The following RNF114 variants were observed in gnomAD, a reference collection of about 807,000 sequenced individuals.
The protein encoded by RNF114 is E3 ubiquitin-protein ligase RNF114.
In RNF114, 6 loss-of-function variants were observed where a neutral mutation model predicts 28.4. The ratio of observed to expected loss-of-function variants is 0.21; its 90% CI spans 0.12 to 0.42. The LOEUF is 0.42. RNF114 is among the 10% of genes least tolerant of loss of function. RNF114 has a pLI of 1.00. For synonymous variants in RNF114, 115 were observed against 116.7 expected, an observed-to-expected ratio of 0.99 and a Z score of 0.09; for missense variants, 249 against 311.7, an observed-to-expected ratio of 0.80 and a Z score of 1.51.
intron 5 of RNF114, among the ~76,000 whole-genome samples, chr20:49,949,705 C>T (rs1600872533): frequency 6.6e-6 from 1 of 152,030 alleles, no homozygotes; most frequent in Non-Finnish European, 1.5e-5. Flanking sequence ...AATGCAGTGG[C>T]GTGATCTCAG....
At chr20:49,946,059 G>A in intron 3 of RNF114, 77 bp from the exon 4 acceptor site, 1 of 677,472 alleles carries the variant, frequency 1.5e-6, no homozygotes, top group South Asian at 1.9e-5. Flanking sequence ...GCTCCTTTTT[G>A]GAGTGTACTG....
At position 49,947,233 on chromosome 20, in the gene RNF114, C is replaced by A. The variant is rs1470907316; in HGVS notation, c.513+983C>A. 2.2e-4 allele frequency among the ~76,000 whole-genome samples: 4 copies of A among 18,436 alleles called. 1 individual carries two copies. Among genetic ancestry groups the A allele is most frequent in the Admixed American group, 1.1e-3 (2 of 1,796 alleles). 12.1% of individuals were successfully genotyped at this position (18,436 alleles called of 152,430 possible). A position where few individuals can be genotyped will look rare whatever the true frequency, so the allele number is the denominator to read the frequency against. On this transcript the variant is annotated intron_variant, in intron 4 of 5. Transcript: ENST00000244061. ...AAACTGCCCCCCCCCCCCCCCCCCC[C>A]CCCAAAAAAGTATTTGTTCCATCTT...
chr20:49,941,392 T>G (rs1200105419), intron 1 of RNF114, among the ~76,000 whole-genome samples, 169 bp from the exon 2 acceptor site: 1 of 152,206 alleles, frequency 6.6e-6, no homozygotes, highest in Non-Finnish European at 1.5e-5. Flanking sequence ...TGTAGTCCAC[T>G]CCTATCCCTC....
At chr20:49,941,533 C>T in intron 1 of RNF114, 28 bp from the exon 2 acceptor site, 1 of 1,550,984 alleles carries the variant, frequency 6.4e-7, no homozygotes, top group Non-Finnish European at 8.7e-7. Flanking sequence ...TGATGCGTGA[C>T]AGAGGTTCTC....
chr20:49,944,615 T>A (rs1001628901), intron 2 of RNF114: 1 of 152,230 alleles, frequency 6.6e-6, no homozygotes, highest in Non-Finnish European at 1.5e-5. Context: ...GCGTGGTAGC[T>A]CACGCCTGTA....
chr20:49,936,740 T>G (rs961779596), intron 1 of RNF114, among the ~76,000 whole-genome samples, 188 bp downstream of exon 1: 2 of 152,112 alleles, frequency 1.3e-5, no homozygotes, highest in African/African-American at 4.8e-5. Context: ...CGCTCACTCC[T>G]AAGTATCCCG....
At chr20:49,937,460 T>C (rs928747432) in intron 1 of RNF114, among the ~76,000 whole-genome samples, 3 of 152,136 alleles carry the variant, frequency 2.0e-5, no homozygotes, top group African/African-American at 7.2e-5. Flanking sequence ...TGGGCATTAT[T>C]CTATAGCCAC....
At position 49,952,488 on chromosome 20, in the gene RNF114, T is replaced by A. The variant is rs954811169; in HGVS notation, c.*347T>A. The A allele has an allele frequency of 6.3e-6, 3 of 473,282 alleles. No individual in the cohort carries two copies. The highest frequency in any genetic ancestry group is 5.8e-5 in the African/African-American group (3 of 52,010). 29.3% of individuals were successfully genotyped at this position (473,282 alleles called of 1,614,324 possible). A position where few individuals can be genotyped will look rare whatever the true frequency, so the allele number is the denominator to read the frequency against. On this transcript the variant is annotated 3_prime_UTR_variant, in exon 6 of 6. Transcript: ENST00000244061. Reference sequence around the variant, plus strand: ...ATTCCTCCCATCCAGTGTTTGTCTCTCGGGTCCTTCAAGCCAGCCAGGACC... The same window carrying A: ...ATTCCTCCCATCCAGTGTTTGTCTCACGGGTCCTTCAAGCCAGCCAGGACC...
At chr20:49,943,044 G>C (rs1268047080) in intron 2 of RNF114, among the ~76,000 whole-genome samples, 2 of 151,334 alleles carry the variant, frequency 1.3e-5, no homozygotes, top group Non-Finnish European at 1.5e-5. Flanking sequence ...ATATTGGACA[G>C]CCTTGCATGT....
At chr20:49,951,966 C>T (rs2281216) in intron 5 of RNF114, 110 bp from the exon 6 acceptor site, 372,457 of 830,418 alleles carry the variant, frequency 0.45, 89,974 homozygotes, top group East Asian at 0.72. Context: ...GGGATCCGGT[C>T]CCTGGCAACC....
chr20:49,946,866 T>C (rs189408193), intron 4 of RNF114, among the ~76,000 whole-genome samples: 409 of 151,954 alleles, frequency 2.7e-3, no homozygotes, highest in Non-Finnish European at 3.7e-3. Flanking sequence ...AAAAGGCTTA[T>C]CAATCCTTGG....
chr20:49,945,558 G>C, intron 3 of RNF114, 70 bp downstream of exon 3: 2 of 916,414 alleles, frequency 2.2e-6, no homozygotes, highest in South Asian at 2.7e-5. Context: ...TGCATGCCCA[G>C]GGGTTTAGTT....
intron 4 of RNF114, among the ~76,000 whole-genome samples, chr20:49,947,769 GTTTTTTTT>G (rs71190519): frequency 9.9e-5 from 5 of 50,472 alleles, no homozygotes; most frequent in East Asian, 6.3e-4. Context: ...CCCTCTGCAA[GTTTTTTTT>G]TTTTTTTTTT....
intron 1 of RNF114, 117 bp downstream of exon 1, chr20:49,936,669 GGGT>G: frequency 7.5e-7 from 1 of 1,331,108 alleles, no homozygotes; most frequent in Non-Finnish European, 1.0e-6. Flanking sequence ...GGCCTCCCGG[GGGT>G]GTCCCCCGGG....
At chr20:49,938,701 C>T (rs2090296395) in intron 1 of RNF114, among the ~76,000 whole-genome samples, 1 of 152,190 alleles carries the variant, frequency 6.6e-6, no homozygotes, top group African/African-American at 2.4e-5. Flanking sequence ...AACTGAAAAG[C>T]CATCCCAGGA....
Position 49,946,404 on chromosome 20 carries a change from T to C in RNF114, c.513+154T>C. ...ACCATATTTGCTTAACCATGCTCTA[T>C]AGTACACATTTTTTGCTGACCACTT... On this transcript the variant is annotated intron_variant, in intron 4 of 5. Coordinates refer to ENST00000244061, the MANE Select transcript of RNF114 (RefSeq NM_018683.4). The C allele has an allele frequency of 5.4e-6, 3 of 554,912 alleles. No individual in the cohort carries two copies. The East Asian group carries it at 9.1e-5, about 17-fold the overall frequency. 34.4% of individuals were successfully genotyped at this position (554,912 alleles called of 1,614,324 possible). A position where few individuals can be genotyped will look rare whatever the true frequency, so the allele number is the denominator to read the frequency against.
chr20:49,938,650 G>A (rs1005948623), intron 1 of RNF114, among the ~76,000 whole-genome samples: 1 of 152,164 alleles, frequency 6.6e-6, no homozygotes, highest in Non-Finnish European at 1.5e-5. Flanking sequence ...GTGGAGCATC[G>A]GAAGGCTGAA....
chr20:49,953,675 T>A lies in RNF114; in HGVS notation c.*1534T>A, dbSNP rs1285164722. 2.6e-5 allele frequency: 4 copies of A among 152,192 alleles called. No homozygotes were observed. Among genetic ancestry groups the A allele is most frequent in the African/African-American group, 9.6e-5 (4 of 41,452 alleles). The allele number at this position is 152,192 out of a possible 1,614,324, so 9.4% of individuals were successfully genotyped here. A position where few individuals can be genotyped will look rare whatever the true frequency, so the allele number is the denominator to read the frequency against. On this transcript the variant is annotated 3_prime_UTR_variant, in exon 6 of 6. Transcript: ENST00000244061. ...CTCAGACCTTCCTGAATTCAGATCA[T>A]CTCAGAAGTCTGGAGGGAAATCTGG...
intron 2 of RNF114, among the ~76,000 whole-genome samples, chr20:49,943,766 C>T (rs1412054820): frequency 2.1e-5 from 3 of 141,498 alleles, no homozygotes; most frequent in Non-Finnish European, 4.5e-5. Flanking sequence ...TCACGCCATT[C>T]TCCTGCCTCA....
Sources: gnomAD v4.1 joint callset for allele counts (sites outside exome capture counted in the v4.1 genomes callset) on GRCh38, gnomAD v4.1.1 for gene constraint, MANE v1.5 for transcripts, NCBI Gene and HGNC (gene_info 2026-07-23, HGNC 2026-07-21) for gene names.